The following GRID2 variants were observed in gnomAD, a reference collection of about 807,000 sequenced individuals.
The protein encoded by GRID2 is glutamate ionotropic receptor delta type subunit 2.
Under a neutral mutation model 114.8 loss-of-function variants are expected in GRID2, and 33 were observed. The observed-to-expected ratio is 0.29, with a 90% confidence interval of 0.22 to 0.38. The LOEUF (loss-of-function observed/expected upper bound fraction) is 0.38, where lower values mean the gene tolerates loss of function less well. Among genes scored for constraint, GRID2 ranks in the 10% least tolerant of loss-of-function variants. The pLI is 1.00. For synonymous variants in GRID2, 505 were observed against 449.9 expected (o/e 1.12, Z -1.55); for missense variants, 1,184 against 1,257.7 (o/e 0.94, Z 0.89).
rs1243293514 is a variant in GRID2 at position 93,059,806 on chromosome 4, T to C, written c.245-25189T>C. On this transcript the variant is annotated intron_variant, in intron 2 of 15. Transcript: ENST00000282020. ...TCACTGTATTTTCCAAATACAGTGA[T>C]CTTTAAAAAAAAAAAAGTATTCTGA... 2.7e-5 allele frequency among the ~76,000 whole-genome samples: 4 copies of C among 150,830 alleles called. No individual in the cohort carries two copies. In the South Asian group the frequency reaches 8.3e-4, roughly 31 times the overall value.
chr4:93,595,114 C>G (rs891148878), intron 13 of GRID2, among the ~76,000 whole-genome samples: 10 of 152,160 alleles, frequency 6.6e-5, no homozygotes, highest in Non-Finnish European at 1.0e-4. Context: ...GCTGCCTGCT[C>G]TCCTCAAACA....
chr4:92,843,559 A>G (rs1243067994), intron 2 of GRID2, among the ~76,000 whole-genome samples: 1 of 152,174 alleles, frequency 6.6e-6, no homozygotes, highest in Non-Finnish European at 1.5e-5. Flanking sequence ...AGGAATAACT[A>G]TATTTTTCAA....
intron 2 of GRID2, among the ~76,000 whole-genome samples, chr4:92,658,328 A>G (rs1401781335): frequency 1.3e-5 from 2 of 151,930 alleles, no homozygotes; most frequent in East Asian, 3.9e-4. Context: ...AAAATATTTC[A>G]TCTCATTAAA....
At chr4:93,720,826 G>A (rs984479181) in intron 14 of GRID2, among the ~76,000 whole-genome samples, 2 of 152,198 alleles carry the variant, frequency 1.3e-5, no homozygotes, top group Non-Finnish European at 2.9e-5. Context: ...GGGACTAATA[G>A]ATACCTTCAA....
chr4:93,592,804 T>C (rs184091029), intron 13 of GRID2, among the ~76,000 whole-genome samples: 3 of 152,342 alleles, frequency 2.0e-5, no homozygotes, highest in Admixed American at 2.0e-4. Flanking sequence ...GCCTTTACCA[T>C]TATGTAATGG....
At chr4:92,665,786 A>G (rs1264082437) in intron 2 of GRID2, among the ~76,000 whole-genome samples, 1 of 151,106 alleles carries the variant, frequency 6.6e-6, no homozygotes, top group Non-Finnish European at 1.5e-5. Flanking sequence ...TGAGAAATCT[A>G]CTGATAGTCT....
At chr4:92,518,278 A>G (rs1317809643) in intron 1 of GRID2, among the ~76,000 whole-genome samples, 1 of 151,820 alleles carries the variant, frequency 6.6e-6, no homozygotes, top group African/African-American at 2.4e-5. Flanking sequence ...GCTTATTGCT[A>G]CTATAAATTA....
At chr4:92,562,445 T>A (rs570714109) in intron 1 of GRID2, among the ~76,000 whole-genome samples, 7 of 152,176 alleles carry the variant, frequency 4.6e-5, no homozygotes, top group Non-Finnish European at 7.4e-5. Flanking sequence ...TACCATAACT[T>A]CACAACTAAT....
intron 1 of GRID2, among the ~76,000 whole-genome samples, chr4:92,553,405 G>A (rs1212985151): frequency 6.6e-6 from 1 of 152,112 alleles, no homozygotes; most frequent in African/African-American, 2.4e-5. Flanking sequence ...GCAAAAGCTT[G>A]TTGATTTGGG....
intron 4 of GRID2, among the ~76,000 whole-genome samples, chr4:93,157,942 TA>T (rs1045661495): frequency 6.6e-6 from 1 of 151,796 alleles, no homozygotes; most frequent in African/African-American, 2.4e-5. Context: ...ATAAAATTAT[TA>T]AAATTTTAAG....
chr4:92,977,654 T>C (rs560596516), intron 2 of GRID2, among the ~76,000 whole-genome samples: 2 of 152,272 alleles, frequency 1.3e-5, no homozygotes, highest in African/African-American at 4.8e-5. Context: ...GTGAAAACCA[T>C]TGCTGTAATG....
intron 14 of GRID2, among the ~76,000 whole-genome samples, chr4:93,728,047 T>C (rs1424308520): frequency 6.6e-6 from 1 of 152,160 alleles, no homozygotes; most frequent in East Asian, 1.9e-4. Context: ...GTGTTTTCTC[T>C]TGCTTTTCTA....
In GRID2 at chr4:92,982,426, G is replaced by C. The variant is rs572354952; in HGVS notation, c.245-102569G>C. Reference sequence around the variant, plus strand: ...TCATTTTAGCAATGACATATTATTTGAGTGATTAAAAATTACTCAAATTCA... The same window carrying C: ...TCATTTTAGCAATGACATATTATTTCAGTGATTAAAAATTACTCAAATTCA... On this transcript the variant is annotated intron_variant, in intron 2 of 15. Coordinates refer to ENST00000282020, the MANE Select transcript of GRID2 (RefSeq NM_001510.4). Among the ~76,000 whole-genome samples the C allele has an allele frequency of 1.6e-3, 249 of 152,096 alleles. 1 individual carries two copies. The highest frequency in any genetic ancestry group is 5.9e-3 in the African/African-American group (244 of 41,522).
chr4:93,737,289 C>T (rs1033028112), intron 14 of GRID2, among the ~76,000 whole-genome samples: 5 of 151,968 alleles, frequency 3.3e-5, no homozygotes, highest in African/African-American at 7.3e-5. Flanking sequence ...TCAAAGATTT[C>T]GTGAAATTGA....
chr4:93,324,702 C>T (rs1456816714), intron 8 of GRID2, among the ~76,000 whole-genome samples: 1 of 152,088 alleles, frequency 6.6e-6, no homozygotes, highest in Non-Finnish European at 1.5e-5. Context: ...TAATTATTGC[C>T]TCAATTTCAG....
chr4:92,397,309 G>C (rs1369983153), intron 1 of GRID2, among the ~76,000 whole-genome samples: 1 of 151,234 alleles, frequency 6.6e-6, no homozygotes, highest in Non-Finnish European at 1.5e-5. Context: ...AAACAGCTGA[G>C]AGGAAAATTA....
At chr4:92,326,365 C>T (rs1020717887) in intron 1 of GRID2, among the ~76,000 whole-genome samples, 5 of 151,826 alleles carry the variant, frequency 3.3e-5, no homozygotes, top group Non-Finnish European at 5.9e-5. Context: ...ATTATTATTA[C>T]TAAAATACAG....
chr4:93,239,548 C>A (rs1226655311), intron 8 of GRID2, among the ~76,000 whole-genome samples: 2 of 151,414 alleles, frequency 1.3e-5, no homozygotes, highest in African/African-American at 4.8e-5. Context: ...ATTAGCAATA[C>A]AAATTTCTCA....
In GRID2 at chr4:93,654,229, A is replaced by G. The variant is rs181576223; in HGVS notation, c.2360+27794A>G. Among the ~76,000 whole-genome samples the G allele has an allele frequency of 3.3e-4, 50 of 152,332 alleles. 1 individual carries two copies. In the East Asian group the frequency reaches 9.5e-3, roughly 29 times the overall value. On this transcript the variant is annotated intron_variant, in intron 14 of 15. Transcript: ENST00000282020. Reference sequence around the variant, plus strand: ...TATACCAGGAAATTTTCAAGGGAACATCACTTCATTTTGCTTCCAATAGAA... The same window carrying G: ...TATACCAGGAAATTTTCAAGGGAACGTCACTTCATTTTGCTTCCAATAGAA...
Sources: allele counts gnomAD v4.1 joint callset (sites outside exome capture counted in the v4.1 genomes callset), GRCh38; gene constraint gnomAD v4.1.1; transcripts MANE v1.5; gene names NCBI Gene and HGNC (gene_info 2026-07-23, HGNC 2026-07-21).